Variants in TMEM182 observed in about 807,000 individuals in gnomAD.
TMEM182 encodes transmembrane protein 182.
TMEM182 carries 20 observed loss-of-function variants against 26.8 expected under a neutral mutation model. The observed-to-expected ratio is 0.75, with a 90% confidence interval of 0.53 to 1.09. TMEM182 has a LOEUF of 1.09. TMEM182 is among the 50% of genes least tolerant of loss of function. The pLI, the probability that TMEM182 is intolerant of heterozygous loss-of-function variation, is 0.00. For synonymous variants in TMEM182, 109 were observed against 102.2 expected (o/e 1.07, Z -0.40); for missense variants, 277 against 275.5 (o/e 1.01, Z -0.04).
chr2:102,752,899 G>A (rs185998936), intron 1 of TMEM182, among the ~76,000 whole-genome samples: 4 of 152,304 alleles, frequency 2.6e-5, no homozygotes, highest in South Asian at 4.1e-4. Flanking sequence ...GGACAGAAGA[G>A]GAGAACCTTT....
intron 4 of TMEM182, among the ~76,000 whole-genome samples, chr2:102,800,556 C>G (rs1682075914): frequency 6.6e-6 from 1 of 152,154 alleles, no homozygotes; most frequent in South Asian, 2.1e-4. Flanking sequence ...TTACCCTTTC[C>G]CTTTTCAAAG....
chr2:102,765,107 G>GA (rs1486538936), intron 3 of TMEM182, among the ~76,000 whole-genome samples: 2 of 152,072 alleles, frequency 1.3e-5, no homozygotes, highest in East Asian at 1.9e-4. Context: ...GGGTTCTCCA[G>GA]AAAAAAGAGA....
At chr2:102,764,449 C>T (rs761863119) in intron 3 of TMEM182, 22 bp downstream of exon 3, 2 of 1,602,514 alleles carry the variant, frequency 1.2e-6, no homozygotes, top group South Asian at 1.1e-5. Context: ...CTGTCCTCAG[C>T]CTACTTCTAA....
At chr2:102,760,886 C>T (rs890596114), upstream of TMEM182, among the ~76,000 whole-genome samples, 5 of 152,158 alleles carry the variant, frequency 3.3e-5, no homozygotes, top group East Asian at 1.9e-4. Flanking sequence ...TGTGAGCCAC[C>T]GCGCCTGGCC....
At chr2:102,824,871 C>A (rs1683000743) in intron 3 of TMEM182, among the ~76,000 whole-genome samples, 1 of 152,032 alleles carries the variant, frequency 6.6e-6, no homozygotes, top group South Asian at 2.1e-4. Context: ...TCCCTTTCGC[C>A]TTCTGCCATG....
rs1192373669 is a variant in TMEM182 at position 102,814,804 on chromosome 2, G to C, written c.526G>C (p.Asp176His). 7 of 1,613,716 alleles carry C rather than the reference G, an allele frequency of 4.3e-6. No homozygotes were observed. Among genetic ancestry groups the C allele is most frequent in the Non-Finnish European group, 5.9e-6 (7 of 1,179,944 alleles). The change falls in exon 5 of 5, where the codon GAC (aspartate) becomes CAC (histidine). Residue 176 changes from aspartate to histidine, a missense_variant. Coordinates refer to ENST00000412401, the MANE Select transcript of TMEM182 (RefSeq NM_144632.5). Reference protein sequence around the residue: ...LYVIWVQAVADMESYRNMKMK... With the variant: ...LYVIWVQAVAHMESYRNMKMK... ...TGTCATCTGGGTCCAGGCAGTGGCT[G>C]ACATGGAAAGCTACCGAAACATGAA...
chr2:102,833,103 T>C (rs535042427), intron 3 of TMEM182, among the ~76,000 whole-genome samples: 1 of 152,120 alleles, frequency 6.6e-6, no homozygotes, highest in Non-Finnish European at 1.5e-5. Flanking sequence ...TACACAAAAA[T>C]TGGAACATGC....
chr2:102,781,474 C>T (rs1456416026), intron 3 of TMEM182, among the ~76,000 whole-genome samples: 1 of 152,036 alleles, frequency 6.6e-6, no homozygotes, highest in Non-Finnish European at 1.5e-5. Context: ...TGCATTTAAG[C>T]GTCATGGCAT....
At chr2:102,759,714 G>T (rs1053357817), upstream of TMEM182, among the ~76,000 whole-genome samples, 2 of 152,174 alleles carry the variant, frequency 1.3e-5, no homozygotes, top group Admixed American at 6.5e-5. Flanking sequence ...ATTCCACAGG[G>T]ATCTCACTGA....
At chr2:102,775,378 G>A (rs1474813228) in intron 3 of TMEM182, 3 of 152,108 alleles carry the variant, frequency 2.0e-5, no homozygotes, top group East Asian at 3.9e-4. Flanking sequence ...AGGTATTGAC[G>A]GGATGTATCT....
intron 1 of TMEM182, among the ~76,000 whole-genome samples, chr2:102,740,755 G>A (rs141259396): frequency 2.1e-3 from 314 of 152,284 alleles, no homozygotes; most frequent in African/African-American, 6.9e-3. Context: ...TAAACAAGGT[G>A]TTGTACACAG....
At chr2:102,783,384 C>T (rs1681254837) in intron 3 of TMEM182, among the ~76,000 whole-genome samples, 2 of 152,130 alleles carry the variant, frequency 1.3e-5, no homozygotes, top group Admixed American at 6.5e-5. Context: ...GCAGAAGAGT[C>T]AGAAGTGACT....
At chr2:102,835,481 A>G (rs1573581350) in intron 3 of TMEM182, among the ~76,000 whole-genome samples, 2 of 152,096 alleles carry the variant, frequency 1.3e-5, no homozygotes, top group Non-Finnish European at 2.9e-5. Flanking sequence ...CCCAAGGTCC[A>G]TAGTTTACTG....
chr2:102,803,995 G>T (rs1164684259), intron 4 of TMEM182, among the ~76,000 whole-genome samples: 1 of 152,222 alleles, frequency 6.6e-6, no homozygotes, highest in African/African-American at 2.4e-5. Context: ...CAGCCCTGCT[G>T]TCTCTATGTC....
chr2:102,798,996 T>C (rs746870096), intron 4 of TMEM182, among the ~76,000 whole-genome samples: 12 of 152,080 alleles, frequency 7.9e-5, no homozygotes, highest in Non-Finnish European at 1.5e-4. Flanking sequence ...AAGAGGTGAG[T>C]CTTGTGAATT....
intron 3 of TMEM182, among the ~76,000 whole-genome samples, chr2:102,836,974 A>C (rs1683257710): frequency 6.6e-6 from 1 of 152,214 alleles, no homozygotes; most frequent in African/African-American, 2.4e-5. Context: ...TGCAACACAT[A>C]AAACTTAGCA....
At chr2:102,833,921 T>C (rs1448543576) in intron 3 of TMEM182, among the ~76,000 whole-genome samples, 2 of 152,216 alleles carry the variant, frequency 1.3e-5, no homozygotes, top group African/African-American at 4.8e-5. Context: ...ATATCCTATT[T>C]CTGGTGATGG....
chr2:102,761,421 TAAGACTC>T (rs1215266566), upstream of TMEM182, among the ~76,000 whole-genome samples: 4 of 152,332 alleles, frequency 2.6e-5, no homozygotes, highest in African/African-American at 9.6e-5. Flanking sequence ...ATAACTTGTA[TAAGACTC>T]ATGAGGCTGC....
Position 102,815,924 on chromosome 2 carries a change from C to T in TMEM182, c.*956C>T, listed in dbSNP as rs1682727029. 8.2e-6 allele frequency: 8 copies of T among 972,268 alleles called. No individual in the cohort carries two copies. Among genetic ancestry groups the T allele is most frequent in the Middle Eastern group, 5.3e-4 (1 of 1,900 alleles). 60.2% of individuals were successfully genotyped at this position (972,268 alleles called of 1,614,324 possible). ...ATAATAGCCCTGCTTTATTAAAGAC[C>T]ATAAAATATTAACTTTCCCCAAGAT... On this transcript the variant is annotated 3_prime_UTR_variant, in exon 5 of 5. Coordinates refer to ENST00000412401, the MANE Select transcript of TMEM182 (RefSeq NM_144632.5).
Sources: allele counts gnomAD v4.1 joint callset (sites outside exome capture counted in the v4.1 genomes callset), GRCh38; gene constraint gnomAD v4.1.1; transcripts MANE v1.5; gene names NCBI Gene and HGNC (gene_info 2026-07-23, HGNC 2026-07-21).